Variants in ADRA1B observed in about 807,000 individuals in gnomAD.
The protein encoded by ADRA1B is adrenoceptor alpha 1B, also known as alpha-1B adrenergic receptor.
A neutral mutation model predicts 17.9 loss-of-function variants in ADRA1B; 17 were observed. The ratio of observed to expected loss-of-function variants is 0.95; its 90% CI spans 0.65 to 1.42. The LOEUF (loss-of-function observed/expected upper bound fraction) is 1.42. ADRA1B is among the 40% of genes most tolerant of loss of function. ADRA1B has a pLI of 0.00. For synonymous variants in ADRA1B, 366 were observed against 327.6 expected (o/e 1.12, Z -1.27); for missense variants, 681 against 722.1 (o/e 0.94, Z 0.65).
chr5:159,899,234 G>C (rs1754069232), intron 1 of ADRA1B, among the ~76,000 whole-genome samples: 1 of 142,482 alleles, frequency 7.0e-6, no homozygotes, highest in African/African-American at 2.6e-5. Context: ...AAGGGAAGGA[G>C]GGAGGGAGGA....
chr5:159,910,022 A>G (rs768380448), intron 1 of ADRA1B, among the ~76,000 whole-genome samples: 1 of 152,228 alleles, frequency 6.6e-6, no homozygotes, highest in African/African-American at 2.4e-5. Flanking sequence ...TCCCTTAAGA[A>G]ATTTGAAGTG....
At chr5:159,900,366 C>A (rs1754088850) in intron 1 of ADRA1B, among the ~76,000 whole-genome samples, 1 of 152,190 alleles carries the variant, frequency 6.6e-6, no homozygotes, top group African/African-American at 2.4e-5. Flanking sequence ...ATACATCTTT[C>A]CGTTTATTCA....
chr5:159,959,404 C>T lies in ADRA1B; in HGVS notation c.950-12475C>T, dbSNP rs141188099. 1.9e-3 allele frequency among the ~76,000 whole-genome samples: 283 copies of T among 152,328 alleles called. 2 individuals carry two copies. Among genetic ancestry groups the T allele is most frequent in the African/African-American group, 5.9e-3 (245 of 41,576 alleles). On this transcript the variant is annotated intron_variant, in intron 1 of 1. Coordinates refer to ENST00000306675, the MANE Select transcript of ADRA1B (RefSeq NM_000679.4). Reference sequence around the variant, plus strand: ...TATGTGCTCAACAAGTATTTTTACACATTCACTGTAACAGGCTCTGTGTTG... The same window carrying T: ...TATGTGCTCAACAAGTATTTTTACATATTCACTGTAACAGGCTCTGTGTTG...
rs781171713 is a variant in ADRA1B at position 159,917,791 on chromosome 5, T to C, written c.886T>C (p.Leu296=). 9.3e-6 allele frequency: 15 copies of C among 1,613,564 alleles called. No homozygotes were observed. Among genetic ancestry groups the C allele is most frequent in the African/African-American group, 4.0e-5 (3 of 74,898 alleles). ...FSREKKAAKT[L]GIVVGMFILC... ...CAGGGAAAAGAAAGCAGCTAAGACG[T>C]TGGGCATTGTGGTCGGTATGTTCAT... Residue 296 remains leucine (L), a synonymous_variant, in exon 1 of 2, where the codon TTG becomes CTG. Coordinates refer to ENST00000306675, the MANE Select transcript of ADRA1B (RefSeq NM_000679.4).
intron 1 of ADRA1B, 79 bp from the exon 2 acceptor site, chr5:159,971,800 A>C (rs1052314527): frequency 1.9e-5 from 25 of 1,294,556 alleles, no homozygotes; most frequent in Non-Finnish European, 2.5e-5. Flanking sequence ...AATGTTGAGG[A>C]GAAGCATATT....
chr5:159,911,035 C>T (rs1266886471), intron 1 of ADRA1B, among the ~76,000 whole-genome samples: 1 of 152,160 alleles, frequency 6.6e-6, no homozygotes, highest in Non-Finnish European at 1.5e-5. Context: ...CCAGTAAAAT[C>T]TCTATCAGCT....
downstream of ADRA1B, among the ~76,000 whole-genome samples, chr5:159,976,927 C>A (rs1308095799): frequency 1.3e-5 from 2 of 152,156 alleles, no homozygotes; most frequent in African/African-American, 4.8e-5. Flanking sequence ...TTGAGGCCAA[C>A]CACTTTGTCT....
At position 159,972,062 on chromosome 5, in the gene ADRA1B, G is replaced by A; in HGVS notation, c.1133G>A (p.Arg378His). ...RGRGRRRRRRRRRLGGCAYTY... is the reference protein window; with the variant it reads ...RGRGRRRRRRHRRLGGCAYTY... ...CGCGGCCGCCGCCGACGCCGCCGCC[G>A]CCGTCGCCTGGGCGGCTGCGCCTAC... Residue 378 changes from arginine to histidine, a missense_variant, in exon 2 of 2, where the codon CGC (arginine) becomes CAC (histidine). By Grantham distance (29) the Arg-to-His change is conservative (BLOSUM62 0). Coordinates refer to ENST00000306675, the MANE Select transcript of ADRA1B (RefSeq NM_000679.4). 7.6e-7 allele frequency: 1 copy of A among 1,310,626 alleles called. No homozygotes were observed. The highest frequency in any genetic ancestry group is 9.7e-7 in the Non-Finnish European group (1 of 1,030,374). The allele number at this position is 1,310,626 out of a possible 1,614,324, so 81.2% of individuals were successfully genotyped here.
chr5:159,924,694 C>T (rs1012747306), intron 1 of ADRA1B, among the ~76,000 whole-genome samples: 1 of 152,180 alleles, frequency 6.6e-6, no homozygotes, highest in Non-Finnish European at 1.5e-5. Context: ...TGTGTAGCTG[C>T]AGTGCCATCA....
upstream of ADRA1B, among the ~76,000 whole-genome samples, chr5:159,914,199 G>T (rs1031119823): frequency 6.6e-6 from 1 of 152,178 alleles, no homozygotes; most frequent in African/African-American, 2.4e-5. Context: ...AGACAGACTA[G>T]TCTGAGCCAC....
Position 159,916,752 on chromosome 5 carries a change from G to T in ADRA1B, c.-154G>T, listed in dbSNP as rs568883596. ...CGGTGCAGGCAGGAGACGTGCTGCC[G>T]GGCTGGGCTGCCCGGGGGAGATGAC... is the stretch of plus-strand genomic sequence containing the variant. On this transcript the variant is annotated 5_prime_UTR_variant, in exon 1 of 2. Coordinates refer to ENST00000306675, the MANE Select transcript of ADRA1B (RefSeq NM_000679.4). The T allele has an allele frequency of 2.9e-6, 2 of 685,738 alleles. No homozygotes were observed. The highest frequency in any genetic ancestry group is 5.9e-5 in the Admixed American group (2 of 33,936). 42.5% of individuals were successfully genotyped at this position (685,738 alleles called of 1,614,324 possible). A position where few individuals can be genotyped will look rare whatever the true frequency, so the allele number is the denominator to read the frequency against.
intron 1 of ADRA1B, among the ~76,000 whole-genome samples, chr5:159,939,261 G>GAA (rs1755039941): frequency 1.6e-4 from 11 of 69,934 alleles, no homozygotes; most frequent in African/African-American, 8.0e-4. Flanking sequence ...AGGAGAGAGA[G>GAA]AGAGAGAGAG....
the ADRA1B span, among the ~76,000 whole-genome samples, chr5:159,988,905 A>G: frequency 6.6e-6 from 1 of 152,232 alleles, no homozygotes; most frequent in Admixed American, 6.5e-5. Flanking sequence ...ACTTGAGGCC[A>G]TACATTGATG....
At chr5:159,952,132 A>C (rs1226558219) in intron 1 of ADRA1B, among the ~76,000 whole-genome samples, 1 of 152,096 alleles carries the variant, frequency 6.6e-6, no homozygotes, top group Admixed American at 6.5e-5. Context: ...ATACTTTCTT[A>C]AATTGCCTTT....
chr5:159,951,256 G>A (rs1755431336), intron 1 of ADRA1B: 1 of 1,007,750 alleles, frequency 9.9e-7, no homozygotes, highest in Non-Finnish European at 1.6e-6. Flanking sequence ...ATTTTGGAGG[G>A]ATCTTGCTCC....
At chr5:159,899,100 T>C (rs976755659) in intron 1 of ADRA1B, among the ~76,000 whole-genome samples, 6 of 151,036 alleles carry the variant, frequency 4.0e-5, no homozygotes, top group Admixed American at 3.3e-4. Context: ...TGAGCCTTGA[T>C]CATGCCACTG....
the ADRA1B span, among the ~76,000 whole-genome samples, chr5:159,988,094 T>G: frequency 1.3e-5 from 2 of 152,038 alleles, no homozygotes; most frequent in Non-Finnish European, 2.9e-5. Context: ...AGGGGTCTTA[T>G]AAGAGGAACA....
chr5:159,957,530 A>AT (rs759592804), intron 1 of ADRA1B, among the ~76,000 whole-genome samples: 10 of 150,326 alleles, frequency 6.7e-5, no homozygotes, highest in Non-Finnish European at 1.2e-4. Flanking sequence ...AAAAAATTAT[A>AT]TTTTTCATTA....
intron 1 of ADRA1B, among the ~76,000 whole-genome samples, chr5:159,942,143 T>C (rs1269874880): frequency 2.0e-5 from 3 of 151,998 alleles, no homozygotes; most frequent in African/African-American, 4.8e-5. Context: ...AGGATGGTCT[T>C]GATCTCCTGA....
Sources: allele counts gnomAD v4.1 joint callset (sites outside exome capture counted in the v4.1 genomes callset), GRCh38; gene constraint gnomAD v4.1.1; transcripts MANE v1.5; gene names NCBI Gene and HGNC (gene_info 2026-07-23, HGNC 2026-07-21).